Variants in AQR observed in about 807,000 individuals in gnomAD.
AQR encodes aquarius intron-binding spliceosomal factor.
A neutral mutation model predicts 180.5 loss-of-function variants in AQR; 61 were observed. That is an observed-to-expected ratio of 0.34 (90% CI 0.28 to 0.42). The LOEUF is 0.42. Ranked by LOEUF, AQR falls within the 10% of genes least tolerant of loss-of-function variation. The pLI is 1.00. For synonymous variants in AQR, 551 were observed against 588.8 expected (o/e 0.94, Z 0.93); for missense variants, 1,281 against 1,798.3 (o/e 0.71, Z 5.20).
rs975090338 is a variant in AQR at position 34,900,951 on chromosome 15, C to T, written c.2002-88G>A. On this transcript the variant is annotated intron_variant, in intron 19 of 34. Coordinates refer to ENST00000156471, the MANE Select transcript of AQR (RefSeq NM_014691.3). The stretch of plus-strand genomic sequence containing the variant: ...GGAATGCAGAGCTGGCTGCACTAAT[C>T]CAGAATTCCCGAGTGTTTCAGAGCA... The T allele has an allele frequency of 2.7e-6, 4 of 1,470,812 alleles. No individual in the cohort carries two copies. The African/African-American group carries it at 4.2e-5, about 16-fold the overall frequency. 91.1% of individuals were successfully genotyped at this position (1,470,812 alleles called of 1,614,324 possible).
intron 8 of AQR, among the ~76,000 whole-genome samples, chr15:34,939,086 T>A (rs1893986332): frequency 6.6e-6 from 1 of 152,222 alleles, no homozygotes; most frequent in South Asian, 2.1e-4. Flanking sequence ...TTTTTGTTTT[T>A]GAGGTGGAAT....
Position 34,884,651 on chromosome 15 carries a change from G to C in AQR, c.2901C>G (p.Phe967Leu), listed in dbSNP as rs372201719. 10 of 1,612,378 alleles carry C rather than the reference G, an allele frequency of 6.2e-6. No individual in the cohort carries two copies. Among genetic ancestry groups the C allele is most frequent in the Non-Finnish European group, 8.5e-6 (10 of 1,179,566 alleles). The change falls in exon 26 of 35, where the codon TTC becomes TTG. Residue 967 changes from phenylalanine (F) to leucine (L), a missense_variant. By Grantham distance (22) the Phe-to-Leu change is conservative (BLOSUM62 0). This residue lies in a region of AQR where 125 missense variants were observed against 185.0 expected (regional missense o/e 0.68). Transcript: ENST00000156471. The part of the protein sequence containing the change: ...TLPDVTEVST[F>L]FPFHEYFANA... ...TTGCAAAGTATTCATGGAAAGGGAAGAAAGTGGAGACTTCCGTAACATCTG... is the reference window on the plus strand; with the variant it reads ...TTGCAAAGTATTCATGGAAAGGGAACAAAGTGGAGACTTCCGTAACATCTG...
In AQR at chr15:34,856,720, A is replaced by G; in HGVS notation, c.*72T>C. The G allele has an allele frequency of 7.7e-7, 1 of 1,305,666 alleles. No homozygotes were observed. Among genetic ancestry groups the G allele is most frequent in the South Asian group, 2.0e-5 (1 of 49,098 alleles). The allele number at this position is 1,305,666 out of a possible 1,614,324, so 80.9% of individuals were successfully genotyped here. On this transcript the variant is annotated 3_prime_UTR_variant, in exon 35 of 35. Coordinates refer to ENST00000156471, the MANE Select transcript of AQR (RefSeq NM_014691.3). Reference sequence around the variant, plus strand: ...TGACAGTAAAATGGCAGAAGCAAATATAAAATACAAAAAACAGCTTTACTC... The same window carrying G: ...TGACAGTAAAATGGCAGAAGCAAATGTAAAATACAAAAAACAGCTTTACTC...
At position 34,854,910 on chromosome 15, in the gene AQR, C is replaced by T. The variant is rs2140454046; in HGVS notation, c.*1882G>A. ...CAGGAAAGATGGTAATACAGTAAAG[C>T]TTCTTTCCCTTGCTTGGCCTGATAC... On this transcript the variant is annotated 3_prime_UTR_variant, in exon 35 of 35. Coordinates refer to ENST00000156471, the MANE Select transcript of AQR (RefSeq NM_014691.3). 1 of 152,316 alleles carries T rather than the reference C, an allele frequency of 6.6e-6. No homozygotes were observed. The highest frequency in any genetic ancestry group is 2.4e-5 in the African/African-American group (1 of 41,582). The allele number at this position is 152,316 out of a possible 1,614,324, so 9.4% of individuals were successfully genotyped here. A position where few individuals can be genotyped will look rare whatever the true frequency, so the allele number is the denominator to read the frequency against.
At chr15:34,890,388 G>C (rs775816871) in intron 23 of AQR, 64 bp from the exon 24 acceptor site, 45 of 1,355,886 alleles carry the variant, frequency 3.3e-5, no homozygotes, top group Non-Finnish European at 4.3e-5. Flanking sequence ...CATTTAGAAA[G>C]AATCAAAGTT....
At chr15:34,908,921 G>C (rs1342247898) in intron 17 of AQR, among the ~76,000 whole-genome samples, 2 of 152,136 alleles carry the variant, frequency 1.3e-5, no homozygotes, top group South Asian at 4.1e-4. Flanking sequence ...ATAAATATGA[G>C]ACCTTCTCCA....
intron 13 of AQR, among the ~76,000 whole-genome samples, chr15:34,923,142 G>C (rs1375212432): frequency 6.6e-6 from 1 of 152,104 alleles, no homozygotes; most frequent in Non-Finnish European, 1.5e-5. Context: ...TGTTATAACT[G>C]TTCTCTTATT....
chr15:34,948,721 A>C (rs1894167528), intron 4 of AQR, among the ~76,000 whole-genome samples: 1 of 148,984 alleles, frequency 6.7e-6, no homozygotes, highest in Non-Finnish European at 1.5e-5. Flanking sequence ...AATCACTTGA[A>C]CCCGGGAAGA....
chr15:34,902,896 C>T (rs576579094), intron 19 of AQR, among the ~76,000 whole-genome samples: 1 of 152,174 alleles, frequency 6.6e-6, no homozygotes, highest in South Asian at 2.1e-4. Context: ...AGACCCTGCC[C>T]TCATAGACTT....
chr15:34,957,373 T>C (rs1240306596), intron 3 of AQR, among the ~76,000 whole-genome samples: 1 of 152,030 alleles, frequency 6.6e-6, no homozygotes, highest in Non-Finnish European at 1.5e-5. Context: ...AATTTTTAAA[T>C]ACATACTATA....
intron 3 of AQR, among the ~76,000 whole-genome samples, chr15:34,958,747 T>C (rs1184885196): frequency 2.0e-5 from 3 of 152,140 alleles, no homozygotes; most frequent in African/African-American, 7.2e-5. Flanking sequence ...ATAACCTTAA[T>C]ATAGAAGAAA....
chr15:34,864,567 C>T (rs941924336), intron 32 of AQR, among the ~76,000 whole-genome samples: 1 of 152,176 alleles, frequency 6.6e-6, no homozygotes, highest in Non-Finnish European at 1.5e-5. Flanking sequence ...AGCGTAAGTC[C>T]TCACACAAAT....
At chr15:34,915,804 G>A (rs1893573510) in intron 15 of AQR, among the ~76,000 whole-genome samples, 1 of 151,836 alleles carries the variant, frequency 6.6e-6, no homozygotes, top group Non-Finnish European at 1.5e-5. Context: ...ATATTAGCTG[G>A]GTGTCATGGC....
At chr15:34,932,508 T>G in intron 10 of AQR, 74 bp from the exon 11 acceptor site, 1 of 1,097,582 alleles carries the variant, frequency 9.1e-7, no homozygotes, top group Non-Finnish European at 1.3e-6. Flanking sequence ...TAGTGATATT[T>G]AACTCTCAAG....
intron 7 of AQR, 41 bp from the exon 8 acceptor site, chr15:34,941,040 A>T: frequency 7.3e-7 from 1 of 1,375,386 alleles, no homozygotes; most frequent in Non-Finnish European, 1.0e-6. Context: ...GTAGCCTCAA[A>T]GTTTACAAGG....
At chr15:34,914,412 T>A (rs1177234218) in intron 16 of AQR, among the ~76,000 whole-genome samples, 1 of 151,594 alleles carries the variant, frequency 6.6e-6, no homozygotes, top group Admixed American at 6.6e-5. Flanking sequence ...AGGTGGGGAG[T>A]GGAGTTTATG....
chr15:34,920,350 T>C lies in AQR; in HGVS notation c.1203A>G (p.Glu401=), dbSNP rs1893664659. The C allele has an allele frequency of 2.5e-6, 4 of 1,610,608 alleles. No individual in the cohort carries two copies. The highest frequency in any genetic ancestry group is 2.7e-5 in the African/African-American group (2 of 74,816). The change falls in exon 14 of 35, where the codon GAA becomes GAG. Residue 401 remains glutamate, a synonymous_variant. Coordinates refer to ENST00000156471, the MANE Select transcript of AQR (RefSeq NM_014691.3). The part of the protein sequence containing the change: ...PKNEDTTFDK[E]FLLELLVSRH... ...TATTTACCAGCAATTCTAGAAGAAA[T>C]TCTTTATCAAAAGTTGTGTCTTCAT...
chr15:34,936,984 A>G (rs1370788428), intron 9 of AQR, among the ~76,000 whole-genome samples: 1 of 152,198 alleles, frequency 6.6e-6, no homozygotes, highest in East Asian at 1.9e-4. Context: ...CACTTAGTGG[A>G]AAGATTTAGA....
At chr15:34,873,704 C>CT (rs1052078846) in intron 30 of AQR, 124 bp downstream of exon 30, 1 of 706,890 alleles carries the variant, frequency 1.4e-6, no homozygotes, top group Non-Finnish European at 2.2e-6. Flanking sequence ...TTTTCATATG[C>CT]TATGTGTAAG....
Sources: allele counts gnomAD v4.1 joint callset (sites outside exome capture counted in the v4.1 genomes callset), GRCh38; gene constraint gnomAD v4.1.1; regional missense constraint gnomAD v4.1.1; transcripts MANE v1.5; gene names NCBI Gene and HGNC (gene_info 2026-07-23, HGNC 2026-07-21).